The following SYT9 variants were observed in gnomAD, a reference collection of about 807,000 sequenced individuals.
SYT9 encodes synaptotagmin 9.
Under a neutral mutation model 48.4 loss-of-function variants are expected in SYT9, and 22 were observed. That is an observed-to-expected ratio of 0.45 (90% CI 0.32 to 0.65). The LOEUF is 0.65. SYT9 is among the 30% of genes least tolerant of loss of function. The probability of loss-of-function intolerance (pLI) is 0.03; values close to 1 mark genes in which losing one functional copy is unlikely to be tolerated. For synonymous variants in SYT9, 265 were observed against 245.0 expected, an observed-to-expected ratio of 1.08 and a Z score of -0.76; for missense variants, 577 against 622.0, an observed-to-expected ratio of 0.93 and a Z score of 0.77.
At position 7,401,899 on chromosome 11, in the gene SYT9, T is replaced by C. The variant is rs542929853; in HGVS notation, c.1045-14143T>C. ...TATCTCCTTTTTGTTTCATTTTCTC[T>C]TGTTTTTCATGTTCCTTAAGTTGAA... is the stretch of plus-strand genomic sequence containing the variant. On this transcript the variant is annotated intron_variant, in intron 3 of 6. Coordinates refer to ENST00000318881, the MANE Select transcript of SYT9 (RefSeq NM_175733.4). Among the ~76,000 whole-genome samples, 7 of 152,052 alleles carry C rather than the reference T, an allele frequency of 4.6e-5. No homozygotes were observed. The South Asian group carries it at 1.2e-3, about 27-fold the overall frequency.
At chr11:7,287,245 C>A (rs1182082380) in intron 1 of SYT9, among the ~76,000 whole-genome samples, 3 of 152,058 alleles carry the variant, frequency 2.0e-5, no homozygotes, top group Non-Finnish European at 4.4e-5. Flanking sequence ...GGGGAAAAGC[C>A]CCTTATAAAA....
intron 1 of SYT9, among the ~76,000 whole-genome samples, chr11:7,302,702 G>A (rs1255993906): frequency 6.6e-6 from 1 of 152,194 alleles, no homozygotes; most frequent in African/African-American, 2.4e-5. Context: ...AATGATTGGT[G>A]CTGCCTGTAG....
chr11:7,249,924 T>C (rs1847838527), upstream of SYT9, among the ~76,000 whole-genome samples: 1 of 152,214 alleles, frequency 6.6e-6, no homozygotes, highest in Admixed American at 6.5e-5. Context: ...TGTTGCTCGC[T>C]CCTCTACCAA....
At chr11:7,353,332 T>C (rs1360116815) in intron 3 of SYT9, among the ~76,000 whole-genome samples, 2 of 152,066 alleles carry the variant, frequency 1.3e-5, no homozygotes, top group African/African-American at 2.4e-5. Context: ...GCAGCTTCAG[T>C]GCAAGGCTCC....
Position 7,409,199 on chromosome 11 carries a change from ACATTTATTGATTTG to A in SYT9, c.1045-6839_1045-6826del, listed in dbSNP as rs1254185835. 4.3e-4 allele frequency among the ~76,000 whole-genome samples: 65 copies of A among 152,332 alleles called. No individual in the cohort carries two copies. In the East Asian group the frequency reaches 9.4e-3, roughly 22 times the overall value. On this transcript the variant is annotated intron_variant, in intron 3 of 6. Coordinates refer to ENST00000318881, the MANE Select transcript of SYT9 (RefSeq NM_175733.4). ...CTTGATTTTGTTTATGTGATGTATCACATTTATTGATTTGCATATGTTGAGCCATCAGTGCATCC... is the reference window on the plus strand; with the variant it reads ...CTTGATTTTGTTTATGTGATGTATCACATATGTTGAGCCATCAGTGCATCC...
intron 3 of SYT9, among the ~76,000 whole-genome samples, chr11:7,367,248 AT>A (rs71056801): frequency 0.88 from 115,687 of 131,146 alleles, 50,851 homozygotes; most frequent in East Asian, 0.97. Flanking sequence ...CGCCCGGCTA[AT>A]TTTTTTTTTT....
intron 2 of SYT9, among the ~76,000 whole-genome samples, chr11:7,312,146 G>C (rs1233276994): frequency 2.0e-5 from 3 of 152,180 alleles, no homozygotes; most frequent in African/African-American, 4.8e-5. Flanking sequence ...GTCATACCAG[G>C]TGGGTGATTA....
intron 1 of SYT9, among the ~76,000 whole-genome samples, chr11:7,263,071 G>A (rs1848109165): frequency 6.6e-6 from 1 of 152,150 alleles, no homozygotes; most frequent in Admixed American, 6.6e-5. Context: ...TTTCCCGAAA[G>A]TTCAGTGTAG....
At position 7,418,076 on chromosome 11, in the gene SYT9, C is replaced by T; in HGVS notation, c.1285C>T (p.Pro429Ser). The change falls in exon 5 of 7, where the codon CCC becomes TCC. Residue 429 changes from proline to serine, a missense_variant. Coordinates refer to ENST00000318881, the MANE Select transcript of SYT9 (RefSeq NM_175733.4). ...YNEAIVFDVP[P>S]ENIDQIHLSI... is the part of the protein sequence containing the mutation. ...CGAAGCCATAGTCTTTGATGTCCCT[C>T]CCGAGAACATTGACCAAATCCACTT... The T allele has an allele frequency of 6.2e-7, 1 of 1,614,136 alleles. No homozygotes were observed.
chr11:7,353,115 G>A (rs930235123), intron 3 of SYT9, among the ~76,000 whole-genome samples: 1 of 152,044 alleles, frequency 6.6e-6, no homozygotes, highest in Non-Finnish European at 1.5e-5. Context: ...TTCATTTTCT[G>A]CTCTGGAAAA....
At chr11:7,324,788 G>C (rs1188260205) in intron 3 of SYT9, among the ~76,000 whole-genome samples, 2 of 151,792 alleles carry the variant, frequency 1.3e-5, no homozygotes, top group African/African-American at 4.8e-5. Context: ...GTTCAAATTT[G>C]CTTTATGTTC....
At chr11:7,302,765 T>C (rs372092059) in intron 1 of SYT9, among the ~76,000 whole-genome samples, 3 of 152,224 alleles carry the variant, frequency 2.0e-5, no homozygotes, top group South Asian at 4.1e-4. Flanking sequence ...AATATATCCA[T>C]TTTCTTGCCA....
At chr11:7,420,752 T>G in intron 6 of SYT9, 117 bp downstream of exon 6, 1 of 1,311,136 alleles carries the variant, frequency 7.6e-7, no homozygotes, top group Non-Finnish European at 1.0e-6. Context: ...CGGGTTTTCC[T>G]GGTTGCATTT....
intron 1 of SYT9, among the ~76,000 whole-genome samples, chr11:7,244,378 T>C (rs1216169659): frequency 6.6e-6 from 1 of 152,170 alleles, no homozygotes; most frequent in East Asian, 1.9e-4. Flanking sequence ...AGCTGCTCAA[T>C]TCCAAATTTG....
intron 6 of SYT9, among the ~76,000 whole-genome samples, chr11:7,449,201 G>A (rs1407394214): frequency 1.3e-5 from 2 of 151,480 alleles, no homozygotes; most frequent in African/African-American, 2.4e-5. Flanking sequence ...AAAATTAACC[G>A]GGCATGGTGG....
At chr11:7,352,806 A>G (rs1208855802) in intron 3 of SYT9, among the ~76,000 whole-genome samples, 1 of 152,226 alleles carries the variant, frequency 6.6e-6, no homozygotes. Flanking sequence ...GAAAGGCATC[A>G]AAGAGTAAGC....
intron 6 of SYT9, among the ~76,000 whole-genome samples, chr11:7,424,692 A>G (rs544471655): frequency 5.3e-5 from 8 of 152,250 alleles, no homozygotes; most frequent in African/African-American, 1.4e-4. Context: ...TATATAGTCA[A>G]GATCAGCACT....
At chr11:7,299,506 T>C (rs1427091524) in intron 1 of SYT9, among the ~76,000 whole-genome samples, 1 of 152,116 alleles carries the variant, frequency 6.6e-6, no homozygotes, top group African/African-American at 2.4e-5. Context: ...AAAAAGCCAC[T>C]CCTGCCATTT....
chr11:7,279,701 C>T (rs555713185), intron 1 of SYT9, among the ~76,000 whole-genome samples: 8 of 152,168 alleles, frequency 5.3e-5, no homozygotes, highest in Non-Finnish European at 8.8e-5. Context: ...ATTTTAGAAC[C>T]GTTGCTTCAA....
Sources: allele counts gnomAD v4.1 joint callset (sites outside exome capture counted in the v4.1 genomes callset), GRCh38; gene constraint gnomAD v4.1.1; transcripts MANE v1.5; gene names NCBI Gene and HGNC (gene_info 2026-07-23, HGNC 2026-07-21).